ABCB10: variants seen among roughly 807,000 people sequenced by gnomAD.
ABCB10 encodes ATP-binding cassette sub-family B member 10, mitochondrial.
Under a neutral mutation model 65.4 loss-of-function variants are expected in ABCB10, and 54 were observed. The observed-to-expected ratio is 0.83, with a 90% CI of 0.66 to 1.04. The LOEUF (loss-of-function observed/expected upper bound fraction) is 1.04. Ranked by LOEUF, ABCB10 falls within the 50% of genes least tolerant of loss-of-function variation. ABCB10 has a pLI of 0.00. For synonymous variants in ABCB10, 418 were observed against 406.5 expected, an observed-to-expected ratio of 1.03 and a Z score of -0.34; for missense variants, 846 against 976.6, an observed-to-expected ratio of 0.87 and a Z score of 1.78.
In ABCB10 at chr1:229,530,237, A is replaced by T. The variant is rs200997396; in HGVS notation, c.1607T>A (p.Val536Glu). The T allele has an allele frequency of 1.2e-6, 2 of 1,614,098 alleles. No individual in the cohort carries two copies. The highest frequency in any genetic ancestry group is 1.7e-6 in the Non-Finnish European group (2 of 1,179,990). The change falls in exon 8 of 13, where the codon GTG becomes GAG. Residue 536 changes from valine to glutamate, a missense_variant. Coordinates refer to ENST00000344517, the MANE Select transcript of ABCB10 (RefSeq NM_012089.3). The part of the protein sequence containing the change: ...VGPSGSGKST[V>E]LSLLLRLYDP... ...GTACAACCTCAGCAGGAGTGAAAGC[A>T]CTGTTGATTTGCCAGAACCACTTGG...
chr1:229,542,104 G>A lies in ABCB10; in HGVS notation c.1056+133C>T, dbSNP rs889200060. On this transcript the variant is annotated intron_variant, in intron 4 of 12. Coordinates refer to ENST00000344517, the MANE Select transcript of ABCB10 (RefSeq NM_012089.3). ...AGTAGTTTAAGTTTCATGGATCTTG[G>A]GGTAATTTCTAATGAAAGGAAAGGC... is the stretch of plus-strand genomic sequence containing the variant. 6.2e-5 allele frequency: 75 copies of A among 1,202,162 alleles called. 1 individual carries two copies. In the South Asian group the frequency reaches 9.8e-4, roughly 16 times the overall value. The allele number at this position is 1,202,162 out of a possible 1,614,324, so 74.5% of individuals were successfully genotyped here. A position where few individuals can be genotyped will look rare whatever the true frequency, so the allele number is the denominator to read the frequency against.
intron 6 of ABCB10, among the ~76,000 whole-genome samples, chr1:229,538,933 G>C (rs1161920844): frequency 6.6e-6 from 1 of 152,146 alleles, no homozygotes; most frequent in Non-Finnish European, 1.5e-5. Flanking sequence ...AAAAATAAAA[G>C]CTGAACTCTC....
rs148748890 is a variant in ABCB10, at chr1:229,544,705, A to G, written c.922-2334T>C. Among the ~76,000 whole-genome samples the G allele has an allele frequency of 9.2e-5, 14 of 152,322 alleles. No individual in the cohort carries two copies. The East Asian group carries it at 2.7e-3, about 29-fold the overall frequency. On this transcript the variant is annotated intron_variant, in intron 3 of 12. Coordinates refer to ENST00000344517, the MANE Select transcript of ABCB10 (RefSeq NM_012089.3). ...ACATGTTGAAGCCTTAATCCCCACCATGGCTGTATTTGGAGATGGGGCCTC... is the reference window on the plus strand; with the variant it reads ...ACATGTTGAAGCCTTAATCCCCACCGTGGCTGTATTTGGAGATGGGGCCTC...
intron 2 of ABCB10, 75 bp downstream of exon 2, chr1:229,549,159 T>A: frequency 1.3e-6 from 2 of 1,521,036 alleles, no homozygotes; most frequent in Non-Finnish European, 1.8e-6. Flanking sequence ...CACATGAGAT[T>A]TGAGCCCGAA....
rs746161971 is a variant in ABCB10, at chr1:229,542,322, G to A, written c.971C>T (p.Pro324Leu). The A allele has an allele frequency of 9.3e-6, 15 of 1,613,866 alleles. No homozygotes were observed. Among genetic ancestry groups the A allele is most frequent in the Non-Finnish European group, 1.3e-5 (15 of 1,179,990 alleles). The stretch of plus-strand genomic sequence containing the variant: ...ATAAATTACAGCAATGATTGACACT[G>A]GAGGCACCACGCTCAAAACAAAGGT... ...LATFVLSVVP[P>L]VSIIAVIYGR... is the part of the protein sequence containing the mutation. Residue 324 changes from proline to leucine, a missense_variant, in exon 4 of 13, where the codon CCA becomes CTA. Coordinates refer to ENST00000344517, the MANE Select transcript of ABCB10 (RefSeq NM_012089.3).
rs1662314938 is a variant in ABCB10, at chr1:229,521,488, A to C, written c.1950+104T>G. 1.1e-5 allele frequency: 16 copies of C among 1,413,990 alleles called. No homozygotes were observed. In the South Asian group the frequency reaches 1.9e-4, roughly 17 times the overall value. The allele number at this position is 1,413,990 out of a possible 1,614,324, so 87.6% of individuals were successfully genotyped here. ...CCCACTCCAAGAAAAAAAAAAAAAC[A>C]AAAAACAGGAAAAGGAAGAAGACAA... On this transcript the variant is annotated intron_variant, in intron 11 of 12. Coordinates refer to ENST00000344517, the MANE Select transcript of ABCB10 (RefSeq NM_012089.3).
intron 6 of ABCB10, among the ~76,000 whole-genome samples, chr1:229,533,529 C>A (rs1662635177): frequency 6.6e-6 from 1 of 152,152 alleles, no homozygotes; most frequent in Admixed American, 6.5e-5. Flanking sequence ...AAATACAATT[C>A]AAATATTCTA....
chr1:229,534,440 T>A (rs547132040), intron 6 of ABCB10, among the ~76,000 whole-genome samples: 1 of 152,060 alleles, frequency 6.6e-6, no homozygotes, highest in Non-Finnish European at 1.5e-5. Flanking sequence ...AAATTGCCAA[T>A]GCTGGCCGGG....
rs1663321283 is a variant in ABCB10 at position 229,558,495 on chromosome 1, C to A, written c.158G>T (p.Gly53Val). The change falls in exon 1 of 13, where the codon GGC becomes GTC. Residue 53 changes from glycine (G) to valine (V), a missense_variant. Gly to Val is a moderately radical substitution (Grantham distance 109). This residue lies in a region of ABCB10 where 214 missense variants were observed against 173.5 expected (regional missense o/e 1.23). Transcript: ENST00000344517. ...GCCCCAGAGCAGCGCGGGCCCCGCG[C>A]CCCATAGCCGCGCCGGCCTCAGGCC... is the stretch of plus-strand genomic sequence containing the variant. ...FTGLRPARLW[G>V]AGPALLWGVG... The A allele has an allele frequency of 3.7e-6, 5 of 1,356,302 alleles. No individual in the cohort carries two copies. In the South Asian group the frequency reaches 4.8e-5, roughly 13 times the overall value. 84.0% of individuals were successfully genotyped at this position (1,356,302 alleles called of 1,614,324 possible). A position where few individuals can be genotyped will look rare whatever the true frequency, so the allele number is the denominator to read the frequency against.
At chr1:229,533,606 CA>C (rs1249003230) in intron 6 of ABCB10, among the ~76,000 whole-genome samples, 1 of 152,118 alleles carries the variant, frequency 6.6e-6, no homozygotes, top group Non-Finnish European at 1.5e-5. Flanking sequence ...ATGCATTTGG[CA>C]AAAATAGACC....
rs975781231 is a variant in ABCB10, at chr1:229,531,681, G to A, written c.1390C>T (p.Arg464Cys). Residue 464 changes from arginine (R) to cysteine (C), a missense_variant, in exon 7 of 13, where the codon CGC becomes TGC. Around this residue, in one of 2 missense-constraint regions of ABCB10, gnomAD observed 632 missense variants for 803.2 expected, o/e 0.79. Coordinates refer to ENST00000344517, the MANE Select transcript of ABCB10 (RefSeq NM_012089.3). ...ELMKGLGAGG[R>C]LWELLEREPK... ...TCTCTCTCCAGGAGCTCCCAGAGGC[G>A]CCCCCCTGCACCCAGTCCTTTCATC... The A allele has an allele frequency of 2.1e-5, 34 of 1,613,656 alleles. No homozygotes were observed. Among genetic ancestry groups the A allele is most frequent in the Non-Finnish European group, 2.7e-5 (32 of 1,179,836 alleles).
chr1:229,554,221 C>T (rs185749905), intron 1 of ABCB10, among the ~76,000 whole-genome samples: 2 of 152,152 alleles, frequency 1.3e-5, no homozygotes, highest in East Asian at 1.9e-4. Context: ...TCGGCATCTG[C>T]GCTGGGTAGA....
chr1:229,542,154 T>C, intron 4 of ABCB10, 83 bp downstream of exon 4: 1 of 1,503,618 alleles, frequency 6.7e-7, no homozygotes, highest in Non-Finnish European at 8.9e-7. Flanking sequence ...AAAACCTAAG[T>C]ACATCCCTTA....
chr1:229,530,487 T>C, intron 7 of ABCB10, 79 bp from the exon 8 acceptor site: 2 of 1,432,418 alleles, frequency 1.4e-6, no homozygotes, highest in Non-Finnish European at 1.9e-6. Context: ...CCTACTCATC[T>C]GGCTATGGAT....
intron 10 of ABCB10, among the ~76,000 whole-genome samples, chr1:229,523,334 T>C (rs1662360016): frequency 6.6e-6 from 1 of 152,260 alleles, no homozygotes. Flanking sequence ...CTTACATTGT[T>C]TATAAAACCC....
At chr1:229,518,968 CTACA>C in intron 11 of ABCB10, 93 bp from the exon 12 acceptor site, 2 of 1,029,696 alleles carry the variant, frequency 1.9e-6, no homozygotes, top group Non-Finnish European at 2.9e-6. Flanking sequence ...CTGACACATG[CTACA>C]ATGTGGATGA....
chr1:229,555,649 G>T (rs1663231349), intron 1 of ABCB10, among the ~76,000 whole-genome samples: 1 of 152,128 alleles, frequency 6.6e-6, no homozygotes, highest in Non-Finnish European at 1.5e-5. Context: ...TTTGAAAAAA[G>T]ATTTTTGTAT....
intron 1 of ABCB10, among the ~76,000 whole-genome samples, chr1:229,556,974 G>A (rs1462785519): frequency 6.6e-6 from 1 of 152,030 alleles, no homozygotes; most frequent in Non-Finnish European, 1.5e-5. Flanking sequence ...TTAAAAAGAG[G>A]AAAGAGAAAA....
intron 3 of ABCB10, among the ~76,000 whole-genome samples, chr1:229,542,868 C>T (rs1391683181): frequency 6.6e-6 from 1 of 151,998 alleles, no homozygotes; most frequent in Admixed American, 6.6e-5. Context: ...TGGTGGCTCA[C>T]GCCTGTAATC....
Sources: allele counts gnomAD v4.1 joint callset (sites outside exome capture counted in the v4.1 genomes callset), GRCh38; gene constraint gnomAD v4.1.1; regional missense constraint gnomAD v4.1.1; transcripts MANE v1.5; gene names NCBI Gene and HGNC (gene_info 2026-07-23, HGNC 2026-07-21).